Variants in PRIM2 observed in about 807,000 individuals in gnomAD.
The protein encoded by PRIM2 is DNA primase large subunit.
PRIM2 carries 39 observed loss-of-function variants against 67.3 expected under a neutral mutation model. The ratio of observed to expected loss-of-function variants is 0.58; its 90% confidence interval spans 0.45 to 0.76. The LOEUF (loss-of-function observed/expected upper bound fraction) is 0.76. Among genes scored for constraint, PRIM2 ranks in the 30% least tolerant of loss-of-function variants. The pLI is 0.00. For missense variants in PRIM2, 398 were observed against 598.7 expected (o/e 0.66, Z 3.50); for synonymous variants, 143 against 198.7 (o/e 0.72, Z 2.36).
chr6:57,576,946 A>G (rs1360453907), intron 10 of PRIM2, among the ~76,000 whole-genome samples: 19,478 of 148,748 alleles, frequency 0.13, 2,197 homozygotes, highest in African/African-American at 0.31. Context: ...GCATAGCAGT[A>G]TATTGTAATT....
intron 9 of PRIM2, among the ~76,000 whole-genome samples, chr6:57,535,524 T>G (rs1284239900): frequency 1.1e-4 from 17 of 152,242 alleles, no homozygotes; most frequent in Non-Finnish European, 2.2e-4. Flanking sequence ...CTAGCTTATT[T>G]TCCAGAACAC....
At chr6:57,275,133 A>G in the PRIM2 span, among the ~76,000 whole-genome samples, 15 of 151,926 alleles carry the variant, frequency 9.9e-5, no homozygotes, top group East Asian at 2.7e-3. Context: ...GATGTAGATC[A>G]AAAATTCTGT....
At chr6:57,459,204 G>A (rs1365487864) in intron 7 of PRIM2, among the ~76,000 whole-genome samples, 11 of 152,194 alleles carry the variant, frequency 7.2e-5, no homozygotes, top group African/African-American at 2.7e-4. Context: ...CAGTTATGAT[G>A]TGAGGATTAA....
At chr6:57,392,596 GA>G (rs1770389331) in intron 7 of PRIM2, among the ~76,000 whole-genome samples, 1 of 151,550 alleles carries the variant, frequency 6.6e-6, no homozygotes, top group Non-Finnish European at 1.5e-5. Flanking sequence ...TCATGGAATA[GA>G]AGGGCCACTA....
At chr6:57,447,368 AAC>A (rs1772401857) in intron 7 of PRIM2, among the ~76,000 whole-genome samples, 1 of 152,216 alleles carries the variant, frequency 6.6e-6, no homozygotes, top group Non-Finnish European at 1.5e-5. Flanking sequence ...AGAACAAAGT[AAC>A]ACCTCTGTGG....
At chr6:57,604,420 T>C (rs1395716410) in intron 11 of PRIM2, among the ~76,000 whole-genome samples, 12 of 152,184 alleles carry the variant, frequency 7.9e-5, no homozygotes, top group Admixed American at 7.9e-4. Flanking sequence ...CAAAGAAAGA[T>C]AGTTTGACTT....
At chr6:57,298,410 T>A in the PRIM2 span, among the ~76,000 whole-genome samples, 98 of 151,878 alleles carry the variant, frequency 6.5e-4, 1 homozygote, top group African/African-American at 2.2e-3. Context: ...ATTAGTTTTT[T>A]AAAAAAAACA....
intron 8 of PRIM2, among the ~76,000 whole-genome samples, chr6:57,522,380 A>G (rs1774643459): frequency 1.3e-5 from 2 of 152,226 alleles, no homozygotes; most frequent in African/African-American, 2.4e-5. Context: ...TCCTCACTAT[A>G]CAATAATGCT....
intron 7 of PRIM2, among the ~76,000 whole-genome samples, chr6:57,420,765 A>G (rs558524693): frequency 4.9e-4 from 74 of 152,326 alleles, no homozygotes; most frequent in South Asian, 1.0e-3. Flanking sequence ...AAGGAAAATA[A>G]CTATGTTGAT....
intron 7 of PRIM2, among the ~76,000 whole-genome samples, chr6:57,483,466 C>T (rs1180007946): frequency 6.6e-6 from 1 of 152,034 alleles, no homozygotes; most frequent in Non-Finnish European, 1.5e-5. Flanking sequence ...TTATGGTGAA[C>T]ATGAAAACAT....
chr6:57,553,768 T>C (rs1394216228), intron 10 of PRIM2, among the ~76,000 whole-genome samples: 1 of 152,202 alleles, frequency 6.6e-6, no homozygotes, highest in African/African-American at 2.4e-5. Flanking sequence ...AAGGGTGTCA[T>C]AGTACTTAAG....
At chr6:57,498,382 T>C (rs1235158583) in intron 7 of PRIM2, among the ~76,000 whole-genome samples, 2 of 152,198 alleles carry the variant, frequency 1.3e-5, no homozygotes, top group African/African-American at 4.8e-5. Context: ...TTTTGAAAAA[T>C]ATTCCCTATT....
chr6:57,287,625 G>C, the PRIM2 span, among the ~76,000 whole-genome samples: 1 of 152,120 alleles, frequency 6.6e-6, no homozygotes. Context: ...GGGGGCAAGA[G>C]GAGGGAGAGC....
chr6:57,423,749 CCCGTGCTGCCTGGTGGGTAT>C (rs1362512569), intron 7 of PRIM2, among the ~76,000 whole-genome samples: 1 of 152,182 alleles, frequency 6.6e-6, no homozygotes, highest in East Asian at 1.9e-4. Flanking sequence ...ACTAAAGGAT[CCCGTGCTGCCTGGTGGGTAT>C]ATCCCCTAGA....
At chr6:57,320,328 A>T in intron 2 of PRIM2, 129 bp from the exon 3 acceptor site, 1 of 592,998 alleles carries the variant, frequency 1.7e-6, no homozygotes, top group East Asian at 2.9e-5. Context: ...ATGTCGTTAC[A>T]GGAAATAAAC....
intron 10 of PRIM2, among the ~76,000 whole-genome samples, chr6:57,571,659 C>A (rs1470332998): frequency 1.3e-5 from 2 of 150,376 alleles, no homozygotes; most frequent in Non-Finnish European, 3.0e-5. Flanking sequence ...CAAAAAGAAA[C>A]CAAAACAAAA....
intron 5 of PRIM2, among the ~76,000 whole-genome samples, chr6:57,376,679 T>C (rs1769776080): frequency 6.6e-6 from 1 of 152,188 alleles, no homozygotes; most frequent in Admixed American, 6.5e-5. Context: ...AGTTTTCTGG[T>C]TGATGTTTAG....
At chr6:57,280,816 T>A in the PRIM2 span, among the ~76,000 whole-genome samples, 2 of 151,436 alleles carry the variant, frequency 1.3e-5, no homozygotes, top group African/African-American at 4.9e-5. Flanking sequence ...ATGTACTATC[T>A]TTTTTTTTAA....
upstream of PRIM2, among the ~76,000 whole-genome samples, chr6:57,313,311 T>C (rs970708500): frequency 6.6e-6 from 1 of 152,242 alleles, no homozygotes; most frequent in Non-Finnish European, 1.5e-5. Flanking sequence ...TAATTATTTA[T>C]GTCTTTAACT....
Sources: gnomAD v4.1 joint callset for allele counts (sites outside exome capture counted in the v4.1 genomes callset) on GRCh38, gnomAD v4.1.1 for gene constraint, MANE v1.5 for transcripts, NCBI Gene and HGNC (gene_info 2026-07-23, HGNC 2026-07-21) for gene names.